Variants in PLCG1 observed in about 807,000 individuals in gnomAD.
PLCG1 encodes phospholipase C gamma 1.
In PLCG1, 71 loss-of-function variants were observed where a neutral mutation model predicts 177.8. That is an observed-to-expected ratio of 0.40 (90% CI 0.33 to 0.49). PLCG1 has a LOEUF of 0.49. PLCG1 is among the 20% of genes least tolerant of loss of function. The pLI, the probability that PLCG1 is intolerant of heterozygous loss-of-function variation, is 0.72. For synonymous variants in PLCG1, 658 were observed against 647.9 expected, an observed-to-expected ratio of 1.02 and a Z score of -0.24; for missense variants, 1,281 against 1,709.0, an observed-to-expected ratio of 0.75 and a Z score of 4.42.
intron 1 of PLCG1, among the ~76,000 whole-genome samples, chr20:41,138,261 C>T (rs1474465079): frequency 1.3e-5 from 2 of 152,184 alleles, no homozygotes; most frequent in Non-Finnish European, 2.9e-5. Flanking sequence ...TCCCCGCCCA[C>T]TCTTTATCCA....
At position 41,167,785 on chromosome 20, in the gene PLCG1, A is replaced by C; in HGVS notation, c.2302-67A>C. 1 of 1,159,922 alleles carries C rather than the reference A, an allele frequency of 8.6e-7. No homozygotes were observed. The highest frequency in any genetic ancestry group is 1.3e-6 in the Non-Finnish European group (1 of 771,494). 71.9% of individuals were successfully genotyped at this position (1,159,922 alleles called of 1,614,324 possible). A position where few individuals can be genotyped will look rare whatever the true frequency, so the allele number is the denominator to read the frequency against. On this transcript the variant is annotated intron_variant, in intron 19 of 31. Transcript: ENST00000685551. The surrounding 1 kb of genome is among the most constrained non-coding windows in gnomAD (Gnocchi z 4.4). The stretch of plus-strand genomic sequence containing the variant: ...TGGGGGAAAGGGAAGCTGCTCCAGA[A>C]ACCAGTAGCTGCTTTCTACCTCTGG...
intron 1 of PLCG1, among the ~76,000 whole-genome samples, chr20:41,140,266 G>T (rs572391171): frequency 6.6e-6 from 1 of 152,330 alleles, no homozygotes; most frequent in Admixed American, 6.5e-5. Context: ...GTCGATGCTT[G>T]TGTGTTCAGA....
At chr20:41,138,940 A>G (rs1411060925) in intron 1 of PLCG1, among the ~76,000 whole-genome samples, 8 of 152,124 alleles carry the variant, frequency 5.3e-5, no homozygotes, top group African/African-American at 1.7e-4. Context: ...CTGCAACTCT[A>G]GACTGGGTTG....
rs955839696 is a variant in PLCG1, at chr20:41,176,977, G to GA, written c.*2473dup. The GA allele has an allele frequency of 6.6e-6, 1 of 152,232 alleles. No homozygotes were observed. Among genetic ancestry groups the GA allele is most frequent in the African/African-American group, 2.4e-5 (1 of 41,458 alleles). The allele number at this position is 152,232 out of a possible 1,614,324, so 9.4% of individuals were successfully genotyped here. The stretch of plus-strand genomic sequence containing the variant: ...CATTAGCACCACTTGGGGAGCTTCT[G>GA]AAAAATACTGGTACCCGGGGCCTTA... On this transcript the variant is annotated 3_prime_UTR_variant, in exon 32 of 32. Coordinates refer to ENST00000685551, the MANE Select transcript of PLCG1 (RefSeq NM_002660.3).
In PLCG1 at chr20:41,169,150, C is replaced by T. The variant is rs1231137229; in HGVS notation, c.2555C>T (p.Pro852Leu). 2.5e-6 allele frequency: 4 copies of T among 1,613,370 alleles called. No individual in the cohort carries two copies. The highest frequency in any genetic ancestry group is 2.7e-5 in the African/African-American group (2 of 74,904). Residue 852 changes from proline (P) to leucine (L), a missense_variant, in exon 22 of 32, where the codon CCC becomes CTC. Pro to Leu is a moderately conservative substitution (Grantham distance 98). Transcript: ENST00000685551. ...PSNYVEEMVN[P>L]VALEPEREHL... The stretch of plus-strand genomic sequence containing the variant: ...AACTACGTGGAAGAGATGGTCAACC[C>T]CGTGGCCCTGGAGCCGGAGAGGGAG...
intron 1 of PLCG1, among the ~76,000 whole-genome samples, chr20:41,154,404 G>A (rs530227495): frequency 6.6e-6 from 1 of 152,356 alleles, no homozygotes; most frequent in South Asian, 2.1e-4. Flanking sequence ...CCTAGGGCAG[G>A]ATTGGCTGGC....
rs949730401 is a variant in PLCG1 at position 41,164,348 on chromosome 20, A to G, written c.1217+147A>G. 1.6e-5 allele frequency: 12 copies of G among 768,432 alleles called. No homozygotes were observed. Among genetic ancestry groups the G allele is most frequent in the African/African-American group, 3.5e-5 (2 of 57,366 alleles). The allele number at this position is 768,432 out of a possible 1,614,324, so 47.6% of individuals were successfully genotyped here. ...TCCTTCCTCTTGGCCTCTCCTCGTCACCTGCTCCCTGCTTGAGCTGTTGCT... is the reference window on the plus strand; with the variant it reads ...TCCTTCCTCTTGGCCTCTCCTCGTCGCCTGCTCCCTGCTTGAGCTGTTGCT... On this transcript the variant is annotated intron_variant, in intron 12 of 31. Coordinates refer to ENST00000685551, the MANE Select transcript of PLCG1 (RefSeq NM_002660.3). The surrounding 1 kb of genome is among the most constrained non-coding windows in gnomAD (Gnocchi z 6.4).
chr20:41,166,157 G>C lies in PLCG1; in HGVS notation c.1800-37G>C. ...AACTTGGTCTTTGGGGCCCTGGCCTGTTTTCCCCAGCCTCCCTCACTCTGT... is the reference window on the plus strand; with the variant it reads ...AACTTGGTCTTTGGGGCCCTGGCCTCTTTTCCCCAGCCTCCCTCACTCTGT... On this transcript the variant is annotated intron_variant, in intron 16 of 31. Transcript: ENST00000685551. The surrounding 1 kb of genome is among the most constrained non-coding windows in gnomAD (Gnocchi z 8.6). The C allele has an allele frequency of 6.3e-7, 1 of 1,589,698 alleles. No homozygotes were observed. The highest frequency in any genetic ancestry group is 8.6e-7 in the Non-Finnish European group (1 of 1,164,462).
Position 41,164,289 on chromosome 20 carries a change from GCCCTGTCCCCTCT to G in PLCG1, c.1217+93_1217+105del. ...CAGAGGGCAGAAAGACTCCTCAAAT[GCCCTGTCCCCTCT>G]CCCTCAGCCTTTCATCTTTGTCCTT... On this transcript the variant is annotated intron_variant, in intron 12 of 31. Transcript: ENST00000685551. The surrounding 1 kb of genome is among the most constrained non-coding windows in gnomAD (Gnocchi z 6.4). 1 of 1,341,368 alleles carries G rather than the reference GCCCTGTCCCCTCT, an allele frequency of 7.5e-7. No individual in the cohort carries two copies. Among genetic ancestry groups the G allele is most frequent in the Non-Finnish European group, 1.1e-6 (1 of 945,844 alleles). 83.1% of individuals were successfully genotyped at this position (1,341,368 alleles called of 1,614,324 possible).
rs781720749 is a variant in PLCG1 at position 41,172,448 on chromosome 20, G to A, written c.2933G>A (p.Arg978Gln). The A allele has an allele frequency of 1.1e-5, 17 of 1,614,154 alleles. No homozygotes were observed. The highest frequency in any genetic ancestry group is 1.4e-5 in the Non-Finnish European group (16 of 1,180,006). The part of the protein sequence containing the change: ...EKIGTERACY[R>Q]DMSSFPETKA... Reference sequence around the variant, plus strand: ...ATTGGCACAGAACGTGCTTGCTACCGGGACATGTCATCCTTCCCGGAAACC... The same window carrying A: ...ATTGGCACAGAACGTGCTTGCTACCAGGACATGTCATCCTTCCCGGAAACC... Residue 978 changes from arginine to glutamine, a missense_variant, in exon 26 of 32, where the codon CGG becomes CAG. Transcript: ENST00000685551. The surrounding 1 kb of genome is among the most constrained non-coding windows in gnomAD (Gnocchi z 7.0).
At chr20:41,142,827 G>T (rs762278188) in intron 1 of PLCG1, among the ~76,000 whole-genome samples, 12 of 152,302 alleles carry the variant, frequency 7.9e-5, no homozygotes, top group Non-Finnish European at 1.5e-4. Flanking sequence ...TGCTTAGCAT[G>T]GAGTGTGGCA....
rs763302134 is a variant in PLCG1 at position 41,174,239 on chromosome 20, A to AC, written c.3763dup (p.Gln1255ProfsTer5). 1 of 1,614,066 alleles carries AC rather than the reference A, an allele frequency of 6.2e-7. No homozygotes were observed. Among genetic ancestry groups the AC allele is most frequent in the African/African-American group, 1.3e-5 (1 of 74,926 alleles). On this transcript the variant is annotated frameshift_variant, in exon 31 of 32. Transcript: ENST00000685551. LOFTEE classifies it high-confidence loss of function. The surrounding 1 kb of genome is among the most constrained non-coding windows in gnomAD (Gnocchi z 5.8). ...CGGGAAGGCTCCTTTGAATCCCGCT[A>AC]CCAGCAGCCGTTTGAGGACTTCCGC...
Position 41,157,960 on chromosome 20 carries a change from CCAGAAGA to C in PLCG1, c.218-1644_218-1638del, listed in dbSNP as rs2035374985. 6.6e-6 allele frequency among the ~76,000 whole-genome samples: 1 copy of C among 151,920 alleles called. No homozygotes were observed. Among genetic ancestry groups the C allele is most frequent in the African/African-American group, 2.4e-5 (1 of 41,322 alleles). ...GGTCAGAATAATGTTTTATGAAGAG[CCAGAAGA>C]CTGGGGAAGGATGGCTGATGGGTGA... is the stretch of plus-strand genomic sequence containing the variant. On this transcript the variant is annotated intron_variant, in intron 1 of 31. Coordinates refer to ENST00000685551, the MANE Select transcript of PLCG1 (RefSeq NM_002660.3). This position sits in a 1 kb window ranked among gnomAD's most constrained non-coding sequence, Gnocchi z 5.4.
At chr20:41,141,283 A>G (rs1338841187) in intron 1 of PLCG1, among the ~76,000 whole-genome samples, 2 of 152,244 alleles carry the variant, frequency 1.3e-5, no homozygotes, top group African/African-American at 4.8e-5. Context: ...ATACTTTTCT[A>G]GATGCCAGGC....
intron 4 of PLCG1, among the ~76,000 whole-genome samples, chr20:41,161,656 C>T (rs1246568359): frequency 6.6e-6 from 1 of 152,124 alleles, no homozygotes; most frequent in Non-Finnish European, 1.5e-5. Context: ...GCTCAGCCCC[C>T]TCGGGGAATT....
chr20:41,167,406 A>G lies in PLCG1; in HGVS notation c.2302-446A>G, dbSNP rs947731696. On this transcript the variant is annotated intron_variant, in intron 19 of 31. Coordinates refer to ENST00000685551, the MANE Select transcript of PLCG1 (RefSeq NM_002660.3). The surrounding 1 kb of genome is among the most constrained non-coding windows in gnomAD (Gnocchi z 4.4). Reference sequence around the variant, plus strand: ...CGTCAGTAGACAGGGCTGGCTGGGGAGAGAGAGGCCTGTTGTCCACTGGCA... The same window carrying G: ...CGTCAGTAGACAGGGCTGGCTGGGGGGAGAGAGGCCTGTTGTCCACTGGCA... 5.9e-5 allele frequency among the ~76,000 whole-genome samples: 9 copies of G among 152,136 alleles called. No individual in the cohort carries two copies. The highest frequency in any genetic ancestry group is 9.7e-5 in the African/African-American group (4 of 41,428).
At position 41,172,298 on chromosome 20, in the gene PLCG1, C is replaced by T; in HGVS notation, c.2905+9C>T. The T allele has an allele frequency of 6.2e-7, 1 of 1,609,156 alleles. No homozygotes were observed. Among genetic ancestry groups the T allele is most frequent in the Non-Finnish European group, 8.5e-7 (1 of 1,175,450 alleles). The stretch of plus-strand genomic sequence containing the variant: ...TCCCTTTGATGAAGAGAGTAAGGGC[C>T]AGGGCCCAGGCGGGGTGTGCATGTG... On this transcript the variant is annotated intron_variant, in intron 25 of 31. Transcript: ENST00000685551. The surrounding 1 kb of genome is among the most constrained non-coding windows in gnomAD (Gnocchi z 7.0).
rs998465052 is a variant in PLCG1, at chr20:41,172,027, C to G, written c.2809-166C>G. Among the ~76,000 whole-genome samples, 5 of 152,200 alleles carry G rather than the reference C, an allele frequency of 3.3e-5. No homozygotes were observed. The highest frequency in any genetic ancestry group is 1.2e-4 in the African/African-American group (5 of 41,430). On this transcript the variant is annotated intron_variant, in intron 24 of 31. Transcript: ENST00000685551. The surrounding 1 kb of genome is among the most constrained non-coding windows in gnomAD (Gnocchi z 7.0). ...GATGATTTCAGGATGAGGCTGAGGACAGAGCTCCCTCATTTACTGTTGGGT... is the reference window on the plus strand; with the variant it reads ...GATGATTTCAGGATGAGGCTGAGGAGAGAGCTCCCTCATTTACTGTTGGGT...
At position 41,144,823 on chromosome 20, in the gene PLCG1, C is replaced by T. The variant is rs537845760; in HGVS notation, c.217+6965C>T. Among the ~76,000 whole-genome samples the T allele has an allele frequency of 5.3e-5, 8 of 152,126 alleles. No homozygotes were observed. The East Asian group carries it at 1.4e-3, about 26-fold the overall frequency. On this transcript the variant is annotated intron_variant, in intron 1 of 31. Transcript: ENST00000685551. The surrounding 1 kb of genome is among the most constrained non-coding windows in gnomAD (Gnocchi z 4.1). ...GTTCATGGTGGCAGTAGATCTCTAGCGTGGTTTGTGTTCCATCTCACCATA... is the reference window on the plus strand; with the variant it reads ...GTTCATGGTGGCAGTAGATCTCTAGTGTGGTTTGTGTTCCATCTCACCATA...
Sources: gnomAD v4.1 joint callset for allele counts (sites outside exome capture counted in the v4.1 genomes callset) on GRCh38, gnomAD v4.1.1 for gene constraint, Gnocchi (gnomAD v3.1) non-coding constraint, MANE v1.5 for transcripts, NCBI Gene and HGNC (gene_info 2026-07-23, HGNC 2026-07-21) for gene names.